The following FGA variants were observed in gnomAD, a reference collection of about 807,000 sequenced individuals.
The protein encoded by FGA is fibrinogen, A alpha polypeptide.
A neutral mutation model predicts 20.3 loss-of-function variants in FGA; 20 were observed. That is an observed-to-expected ratio of 0.99 (90% CI 0.69 to 1.43). The LOEUF (loss-of-function observed/expected upper bound fraction) is 1.43, where lower values mean the gene tolerates loss of function less well. Ranked by LOEUF, FGA falls within the 40% of genes most tolerant of loss-of-function variation. FGA has a pLI of 0.00. For synonymous variants in FGA, 306 were observed against 281.6 expected (o/e 1.09, Z -0.87); for missense variants, 777 against 784.7 (o/e 0.99, Z 0.12).
chr4:154,589,284 T>C (rs1159266751), intron 2 of FGA, among the ~76,000 whole-genome samples, 153 bp downstream of exon 2: 4 of 152,148 alleles, frequency 2.6e-5, no homozygotes, highest in African/African-American at 9.7e-5. Flanking sequence ...TAAACAGTGC[T>C]CTTGGGAGTA....
chr4:154,587,529 C>G lies in FGA; in HGVS notation c.493G>C (p.Asp165His). The G allele has an allele frequency of 6.2e-7, 1 of 1,613,868 alleles. No individual in the cohort carries two copies. The highest frequency in any genetic ancestry group is 8.5e-7 in the Non-Finnish European group (1 of 1,179,902). Residue 165 changes from aspartate to histidine, a missense_variant, in exon 4 of 5, where the codon GAT becomes CAT. By Grantham distance (81) the Asp-to-His change is moderately conservative. Transcript: ENST00000403106. ...LQKNVRAQLV[D>H]MKRLEVDIDI... ...ATACTTACCTCCAGTCGTTTCATAT[C>G]AACCAACTGAGCTCTAACATTTTTC...
chr4:154,587,780 A>AAAGAAAGG, intron 3 of FGA, 123 bp from the exon 4 acceptor site: 1 of 715,242 alleles, frequency 1.4e-6, no homozygotes, highest in Non-Finnish European at 2.3e-6. Context: ...AGAAAGAAAG[A>AAAGAAAGG]AAGAAAGAAA....
At chr4:154,583,895 T>C, downstream of FGA, 1 of 543,916 alleles carries the variant, frequency 1.8e-6, no homozygotes, top group Non-Finnish European at 3.3e-6. Context: ...TATATCTTTA[T>C]AAAAATGTTA....
chr4:154,588,722 G>T, intron 3 of FGA, 71 bp downstream of exon 3: 2 of 1,063,186 alleles, frequency 1.9e-6, no homozygotes, highest in Non-Finnish European at 1.5e-6. Flanking sequence ...AGATATAAGC[G>T]GATATCATAT....
Position 154,586,926 on chromosome 4 carries a change from GA to G in FGA, c.511-9del, listed in dbSNP as rs1249540564. The G allele has an allele frequency of 6.2e-7, 1 of 1,612,422 alleles. No homozygotes were observed. Among genetic ancestry groups the G allele is most frequent in the African/African-American group, 1.3e-5 (1 of 74,902 alleles). ...CTTAATATCAATGTCCACCTAGAGA[GA>G]GGGGAGAAAAATAAAGAGAAAATGT... On this transcript the variant is annotated splice_polypyrimidine_tract_variant and intron_variant, in intron 4 of 4. Coordinates refer to ENST00000403106, the MANE Select transcript of FGA (RefSeq NM_021871.4).
Position 154,586,162 on chromosome 4 carries a change from C to G in FGA, c.1267G>C (p.Gly423Arg). 6.2e-7 allele frequency: 1 copy of G among 1,614,178 alleles called. No individual in the cohort carries two copies. Among genetic ancestry groups the G allele is most frequent in the East Asian group, 2.2e-5 (1 of 44,880 alleles). ...FEEVSGNVSPGTRREYHTEKL... is the reference protein window; with the variant it reads ...FEEVSGNVSPRTRREYHTEKL... ...TCTGTGTGGTACTCTCTCCTTGTCC[C>G]TGGACTTACATTTCCTGACACCTCT... is the stretch of plus-strand genomic sequence containing the variant. Residue 423 changes from glycine (G) to arginine (R), a missense_variant, in exon 5 of 5, where the codon GGG becomes CGG. By Grantham distance (125) the Gly-to-Arg change is moderately radical. Transcript: ENST00000403106.
Position 154,586,860 on chromosome 4 carries a change from C to T in FGA, c.569G>A (p.Arg190His), listed in dbSNP as rs560911144. The change falls in exon 5 of 5, where the codon CGT (arginine) becomes CAT (histidine). Residue 190 changes from arginine to histidine, a missense_variant. Transcript: ENST00000403106. Reference protein sequence around the residue: ...CRGSCSRALAREVDLKDYEDQ... With the variant: ...CRGSCSRALAHEVDLKDYEDQ... ...TTCATAGTCCTTCAGATCTACTTCA[C>T]GAGCTAAAGCCCTACTGCATGACCC... is the stretch of plus-strand genomic sequence containing the variant. 1.2e-5 allele frequency: 20 copies of T among 1,614,036 alleles called. No homozygotes were observed. Among genetic ancestry groups the T allele is most frequent in the Admixed American group, 8.3e-5 (5 of 60,010 alleles).
At chr4:154,587,097 T>A (rs1286284529) in intron 4 of FGA, among the ~76,000 whole-genome samples, 179 bp from the exon 5 acceptor site, 1 of 152,176 alleles carries the variant, frequency 6.6e-6, no homozygotes. Flanking sequence ...GGAAGAGATG[T>A]TGGGTATTGC....
chr4:154,587,444 A>C (rs556700343), intron 4 of FGA, 68 bp downstream of exon 4: 1 of 1,402,300 alleles, frequency 7.1e-7, no homozygotes, highest in Admixed American at 1.7e-5. Context: ...CACTCAGTGC[A>C]TAACTATCGC....
At position 154,589,423 on chromosome 4, in the gene FGA, C is replaced by CT. The variant is rs2110819828; in HGVS notation, c.180+13_180+14insA. 1.2e-6 allele frequency: 2 copies of CT among 1,613,758 alleles called. No homozygotes were observed. The highest frequency in any genetic ancestry group is 1.7e-4 in the Middle Eastern group (1 of 6,038). On this transcript the variant is annotated intron_variant, in intron 2 of 4. Coordinates refer to ENST00000403106, the MANE Select transcript of FGA (RefSeq NM_021871.4). ...GAGGGAAGGAATCTCCTGCTTCCCC[C>CT]GCTGACTGCTTACCCAGTCTTCATC...
At position 154,587,536 on chromosome 4, in the gene FGA, C is replaced by A; in HGVS notation, c.486G>T (p.Gln162His). The change falls in exon 4 of 5, where the codon CAG becomes CAT. Residue 162 changes from glutamine (Q) to histidine (H), a missense_variant. Gln to His is a conservative substitution (Grantham distance 24). Coordinates refer to ENST00000403106, the MANE Select transcript of FGA (RefSeq NM_021871.4). ...CCTCCAGTCGTTTCATATCAACCAA[C>A]TGAGCTCTAACATTTTTCTGCAGAA... is the stretch of plus-strand genomic sequence containing the variant. ...IQLLQKNVRAQLVDMKRLEVD... is the reference protein window; with the variant it reads ...IQLLQKNVRAHLVDMKRLEVD... 7.4e-6 allele frequency: 12 copies of A among 1,614,006 alleles called. No homozygotes were observed. The highest frequency in any genetic ancestry group is 1.3e-5 in the African/African-American group (1 of 75,016).
Position 154,589,045 on chromosome 4 carries a change from C to T in FGA, c.181-69G>A. On this transcript the variant is annotated intron_variant, in intron 2 of 4. Coordinates refer to ENST00000403106, the MANE Select transcript of FGA (RefSeq NM_021871.4). ...GATTCAGAATAATTTTGCATGTTTC[C>T]ATGCAGCCCCCATTTCTTCCTACCC... 6 of 1,346,826 alleles carry T rather than the reference C, an allele frequency of 4.5e-6. 1 individual carries two copies. In the South Asian group the frequency reaches 7.1e-5, roughly 16 times the overall value. 83.4% of individuals were successfully genotyped at this position (1,346,826 alleles called of 1,614,324 possible).
At chr4:154,588,216 A>G (rs1181092281) in intron 3 of FGA, among the ~76,000 whole-genome samples, 2 of 152,178 alleles carry the variant, frequency 1.3e-5, no homozygotes, top group Non-Finnish European at 2.9e-5. Context: ...TTAAATGTCA[A>G]GTGTTTGTGA....
downstream of FGA, chr4:154,584,619 C>G: frequency 6.2e-7 from 1 of 1,614,174 alleles, no homozygotes; most frequent in Non-Finnish European, 8.5e-7. Context: ...CTCCTTCCCC[C>G]TCGTCATTCA....
Position 154,588,878 on chromosome 4 carries a change from A to G in FGA, c.279T>C (p.Phe93=). 1 of 1,611,768 alleles carries G rather than the reference A, an allele frequency of 6.2e-7. No homozygotes were observed. The highest frequency in any genetic ancestry group is 8.5e-7 in the Non-Finnish European group (1 of 1,178,158). Residue 93 remains phenylalanine, a synonymous_variant, in exon 3 of 5, where the codon TTT becomes TTC. Coordinates refer to ENST00000403106, the MANE Select transcript of FGA (RefSeq NM_021871.4). ...NRINKLKNSL[F]EYQKNNKDSH... is the part of the protein sequence containing the mutation. The stretch of plus-strand genomic sequence containing the variant: ...AATCCTTATTGTTCTTCTGATATTC[A>G]AATAGTGAATTTTTGAGCTTATTTA...
rs752823417 is a variant in FGA at position 154,586,338 on chromosome 4, CTGCCA to C, written c.1086_1090del (p.Gly363LeufsTer2). On this transcript the variant is annotated frameshift_variant, in exon 5 of 5. Transcript: ENST00000403106. LOFTEE classifies it low-confidence loss of function (END_TRUNC). ...GTGCCCAGCACTTCCGCGTTCAGAG[CTGCCA>C]GGATTCCAGGTTCCGGTACTACCAG... The C allele has an allele frequency of 1.9e-6, 3 of 1,614,226 alleles. No individual in the cohort carries two copies. Among genetic ancestry groups the C allele is most frequent in the African/African-American group, 1.3e-5 (1 of 75,060 alleles).
At position 154,590,627 on chromosome 4, in the gene FGA, G is replaced by T. The variant is rs780493087; in HGVS notation, c.54+7C>A. On this transcript the variant is annotated splice_region_variant and intron_variant, in intron 1 of 4. Transcript: ENST00000403106. ...AAAGCAAGAAGAAAAAATGAAAAGGGCCATACCCATGCTGTGCCCACCACA... is the reference window on the plus strand; with the variant it reads ...AAAGCAAGAAGAAAAAATGAAAAGGTCCATACCCATGCTGTGCCCACCACA... The T allele has an allele frequency of 4.2e-5, 65 of 1,553,536 alleles. No individual in the cohort carries two copies. In the Admixed American group the frequency reaches 6.6e-4, roughly 16 times the overall value.
chr4:154,584,499 G>T (rs376434823), downstream of FGA: 7 of 1,614,144 alleles, frequency 4.3e-6, no homozygotes, highest in Non-Finnish European at 5.9e-6. Context: ...AGCCTACCCG[G>T]AAGTGATATT....
chr4:154,585,431 C>G lies in FGA; in HGVS notation c.*63G>C, dbSNP rs1474369776. The G allele has an allele frequency of 8.0e-7, 1 of 1,256,036 alleles. No individual in the cohort carries two copies. The highest frequency in any genetic ancestry group is 1.5e-5 in the African/African-American group (1 of 67,264). The allele number at this position is 1,256,036 out of a possible 1,614,324, so 77.8% of individuals were successfully genotyped here. ...AAAGTGTAGTTTCAATGACGTGTAA[C>G]AGAGAGTTAAGAAGGAAATGCAAGG... On this transcript the variant is annotated 3_prime_UTR_variant, in exon 5 of 5. Coordinates refer to ENST00000403106, the MANE Select transcript of FGA (RefSeq NM_021871.4).
Sources: gnomAD v4.1 joint callset for allele counts (sites outside exome capture counted in the v4.1 genomes callset) on GRCh38, gnomAD v4.1.1 for gene constraint, MANE v1.5 for transcripts, NCBI Gene and HGNC (gene_info 2026-07-23, HGNC 2026-07-21) for gene names.